Variants in COL28A1 observed in about 807,000 individuals in gnomAD.
COL28A1 encodes the protein collagen type XXVIII alpha 1 chain, also known as collagen alpha-1(XXVIII) chain.
COL28A1 carries 161 observed loss-of-function variants against 150.2 expected under a neutral mutation model. The ratio of observed to expected loss-of-function variants is 1.07; its 90% CI spans 0.94 to 1.22. COL28A1 has a LOEUF of 1.22. Among genes scored for constraint, COL28A1 ranks in the 50% most tolerant of loss-of-function variants. COL28A1 has a pLI of 0.00. For synonymous variants in COL28A1, 552 were observed against 469.7 expected, an observed-to-expected ratio of 1.18 and a Z score of -2.26; for missense variants, 1,617 against 1,388.3, an observed-to-expected ratio of 1.16 and a Z score of -2.62.
chr7:7,502,044 G>A (rs988652996), intron 11 of COL28A1, among the ~76,000 whole-genome samples: 1 of 152,124 alleles, frequency 6.6e-6, no homozygotes, highest in African/African-American at 2.4e-5. Flanking sequence ...ACAGGCGCCC[G>A]CCACCACGCC....
intron 27 of COL28A1, among the ~76,000 whole-genome samples, chr7:7,394,849 C>T (rs1782748523): frequency 6.6e-6 from 1 of 152,176 alleles, no homozygotes; most frequent in Admixed American, 6.5e-5. Context: ...TTATTTATAA[C>T]ACACTACTTA....
chr7:7,537,162 G>T (rs1399452541), upstream of COL28A1, among the ~76,000 whole-genome samples: 1 of 152,150 alleles, frequency 6.6e-6, no homozygotes, highest in East Asian at 1.9e-4. Flanking sequence ...TCAGGGTCAC[G>T]GTTGACCAGA....
At chr7:7,400,864 T>C (rs983133180) in intron 27 of COL28A1, among the ~76,000 whole-genome samples, 3 of 152,076 alleles carry the variant, frequency 2.0e-5, no homozygotes, top group Non-Finnish European at 4.4e-5. Flanking sequence ...ATTACAAGAA[T>C]AATACAAATA....
At chr7:7,465,165 G>A (rs564223584) in intron 15 of COL28A1, among the ~76,000 whole-genome samples, 32 of 150,410 alleles carry the variant, frequency 2.1e-4, no homozygotes, top group Admixed American at 8.6e-4. Context: ...CGCAGAAGAC[G>A]GGTGATTTCT....
rs1345757857 is a variant in COL28A1, at chr7:7,419,939, G to A, written c.2013C>T (p.Val671=). The change falls in exon 26 of 35, where the codon GTC becomes GTT. Residue 671 remains valine (V), a synonymous_variant. Transcript: ENST00000399429. The part of the protein sequence containing the change: ...GDTGAKGEPG[V]RGPPGPSGPR... ...GCCCAGAAGGACCTGGAGGGCCTCT[G>A]ACCCCAGGCTCTCCCTGAAAAGACA... The A allele has an allele frequency of 1.3e-6, 2 of 1,594,702 alleles. No homozygotes were observed. Among genetic ancestry groups the A allele is most frequent in the Middle Eastern group, 3.4e-4 (2 of 5,960 alleles).
intron 11 of COL28A1, among the ~76,000 whole-genome samples, chr7:7,502,225 A>G (rs1362447386): frequency 6.6e-6 from 1 of 152,152 alleles, no homozygotes; most frequent in Non-Finnish European, 1.5e-5. Context: ...ATGCCACAAG[A>G]TGACCTTCCT....
At chr7:7,485,535 C>T (rs370464722) in intron 13 of COL28A1, among the ~76,000 whole-genome samples, 1 of 152,162 alleles carries the variant, frequency 6.6e-6, no homozygotes, top group Non-Finnish European at 1.5e-5. Context: ...AAATCTTCAT[C>T]AAGCCCACGA....
In COL28A1 at chr7:7,432,453, T is replaced by C. The variant is rs1785038439; in HGVS notation, c.1998+20A>G. 6.2e-7 allele frequency: 1 copy of C among 1,610,588 alleles called. No individual in the cohort carries two copies. Among genetic ancestry groups the C allele is most frequent in the Non-Finnish European group, 8.5e-7 (1 of 1,176,898 alleles). ...GGTGCACTCTTAGAAGCTAGTACGTTGCCTACTTTAAAGTCTTACCTTTGC... is the reference window on the plus strand; with the variant it reads ...GGTGCACTCTTAGAAGCTAGTACGTCGCCTACTTTAAAGTCTTACCTTTGC... On this transcript the variant is annotated intron_variant, in intron 25 of 34. Transcript: ENST00000399429.
At position 7,531,561 on chromosome 7, in the gene COL28A1, A is replaced by C; in HGVS notation, c.468T>G (p.Val156=). The C allele has an allele frequency of 6.2e-7, 1 of 1,609,488 alleles. No individual in the cohort carries two copies. Among genetic ancestry groups the C allele is most frequent in the Non-Finnish European group, 8.5e-7 (1 of 1,175,942 alleles). ...REGRKDGVKV[V]LLMTDGIDHP... ...GGTCGATGCCATCAGTCATCAGCAA[A>C]ACCACTTTCACACCATCCTTACGCC... Residue 156 remains valine, a synonymous_variant, in exon 3 of 35, where the codon GTT becomes GTG. Transcript: ENST00000399429.
chr7:7,427,947 T>TTTCA (rs1309910299), intron 25 of COL28A1, among the ~76,000 whole-genome samples: 1 of 152,158 alleles, frequency 6.6e-6, no homozygotes, highest in African/African-American at 2.4e-5. Context: ...CCATTTAGTT[T>TTTCA]TTCATTCATT....
intron 15 of COL28A1, among the ~76,000 whole-genome samples, chr7:7,459,939 T>A (rs1465956591): frequency 6.6e-6 from 1 of 152,112 alleles, no homozygotes; most frequent in Non-Finnish European, 1.5e-5. Context: ...TTATCAAACA[T>A]CCTCCAATAC....
At chr7:7,380,096 G>C (rs891741564) in intron 30 of COL28A1, among the ~76,000 whole-genome samples, 1 of 152,152 alleles carries the variant, frequency 6.6e-6, no homozygotes, top group East Asian at 1.9e-4. Context: ...AAGCAGAAAG[G>C]AAGAATGAGA....
intron 27 of COL28A1, among the ~76,000 whole-genome samples, chr7:7,384,881 G>T (rs897456225): frequency 2.0e-5 from 3 of 152,158 alleles, no homozygotes; most frequent in African/African-American, 7.2e-5. Context: ...TTCCAAAGAT[G>T]GCACTCCCAA....
At chr7:7,390,409 A>G (rs1217056102) in intron 27 of COL28A1, among the ~76,000 whole-genome samples, 1 of 151,980 alleles carries the variant, frequency 6.6e-6, no homozygotes, top group Non-Finnish European at 1.5e-5. Context: ...TTTTATTGAG[A>G]ATTTTTGCAT....
intron 3 of COL28A1, among the ~76,000 whole-genome samples, chr7:7,527,592 C>G (rs959115018): frequency 6.6e-6 from 1 of 152,108 alleles, no homozygotes; most frequent in African/African-American, 2.4e-5. Context: ...GCAAGGAGAA[C>G]AGTGTCAAAG....
At chr7:7,509,188 T>C (rs1222056973) in intron 9 of COL28A1, among the ~76,000 whole-genome samples, 3 of 151,596 alleles carry the variant, frequency 2.0e-5, no homozygotes, top group Non-Finnish European at 2.9e-5. Flanking sequence ...TGGAGTAGAG[T>C]GGCACAATGA....
intron 11 of COL28A1, among the ~76,000 whole-genome samples, chr7:7,501,143 A>G (rs1780500340): frequency 1.3e-5 from 2 of 152,218 alleles, no homozygotes. Flanking sequence ...TAGGTAAAAG[A>G]ATGCTAAGTT....
intron 27 of COL28A1, among the ~76,000 whole-genome samples, chr7:7,393,931 A>G (rs1451399128): frequency 6.6e-6 from 1 of 151,378 alleles, no homozygotes; most frequent in East Asian, 1.9e-4. Context: ...TTTCCAGGGG[A>G]GTGAACAGTT....
Position 7,360,400 on chromosome 7 carries a change from A to T in COL28A1, c.3195T>A (p.Asp1065Glu). The T allele has an allele frequency of 3.8e-6, 6 of 1,582,576 alleles. No homozygotes were observed. Among genetic ancestry groups the T allele is most frequent in the Non-Finnish European group, 3.4e-6 (4 of 1,170,256 alleles). ...TPRPLLSTPV[D>E]GAEDPRCLEA... ...TTCTGGTTTACCTACCCTCTGCCCCATCCACAGGGGTGCTGAGCAGTGGCC... is the reference window on the plus strand; with the variant it reads ...TTCTGGTTTACCTACCCTCTGCCCCTTCCACAGGGGTGCTGAGCAGTGGCC... The change falls in exon 34 of 35, where the codon GAT (aspartate) becomes GAA (glutamate). Residue 1065 changes from aspartate to glutamate, a missense_variant. By Grantham distance (45) the Asp-to-Glu change is conservative (BLOSUM62 2). Coordinates refer to ENST00000399429, the MANE Select transcript of COL28A1 (RefSeq NM_001037763.3).
Sources: allele counts gnomAD v4.1 joint callset (sites outside exome capture counted in the v4.1 genomes callset), GRCh38; gene constraint gnomAD v4.1.1; transcripts MANE v1.5; gene names NCBI Gene and HGNC (gene_info 2026-07-23, HGNC 2026-07-21).